Variants in LARGE1 observed in about 807,000 individuals in gnomAD.
The protein encoded by LARGE1 is xylosyl- and glucuronyltransferase LARGE1.
In LARGE1, 43 loss-of-function variants were observed where a neutral mutation model predicts 87.6. That is an observed-to-expected ratio of 0.49 (90% CI 0.38 to 0.63). The LOEUF (loss-of-function observed/expected upper bound fraction) is 0.63, where lower values mean the gene tolerates loss of function less well. Among genes scored for constraint, LARGE1 ranks in the 30% least tolerant of loss-of-function variants. The pLI, the probability that LARGE1 is intolerant of heterozygous loss-of-function variation, is 0.00. For missense variants in LARGE1, 802 were observed against 1,000.2 expected (o/e 0.80, Z 2.67); for synonymous variants, 434 against 394.6 (o/e 1.10, Z -1.18).
At chr22:33,776,542 T>G (rs2085243967) in intron 1 of LARGE1, among the ~76,000 whole-genome samples, 1 of 152,236 alleles carries the variant, frequency 6.6e-6, no homozygotes, top group African/African-American at 2.4e-5. Flanking sequence ...CAGCCCTTAA[T>G]CACATCCATG....
chr22:33,662,475 C>CA (rs1018554241), intron 2 of LARGE1, among the ~76,000 whole-genome samples: 7 of 152,244 alleles, frequency 4.6e-5, no homozygotes, highest in Non-Finnish European at 8.8e-5. Context: ...CCAAACTCCC[C>CA]ACCCCTTGCC....
At chr22:33,484,003 G>A (rs764060080) in intron 6 of LARGE1, among the ~76,000 whole-genome samples, 3 of 152,064 alleles carry the variant, frequency 2.0e-5, no homozygotes, top group African/African-American at 2.4e-5. Context: ...GAGCATACGG[G>A]GTGCGGACAG....
At chr22:33,598,533 C>T (rs1225216124) in intron 5 of LARGE1, among the ~76,000 whole-genome samples, 4 of 152,044 alleles carry the variant, frequency 2.6e-5, no homozygotes, top group African/African-American at 7.3e-5. Flanking sequence ...AGGCCCCCAC[C>T]CCCTGACAGG....
chr22:33,619,554 CAA>C (rs553269111), intron 4 of LARGE1, among the ~76,000 whole-genome samples: 18 of 59,100 alleles, frequency 3.0e-4, no homozygotes, highest in African/African-American at 3.6e-4. Flanking sequence ...GACTCTGTCT[CAA>C]AAAAAAAAAA....
chr22:33,784,257 C>T (rs1292338909), intron 1 of LARGE1, among the ~76,000 whole-genome samples: 1 of 152,176 alleles, frequency 6.6e-6, no homozygotes, highest in Non-Finnish European at 1.5e-5. Flanking sequence ...CAATGCCAAG[C>T]TCTACATACA....
At chr22:33,346,301 CTT>C (rs935097697) in intron 9 of LARGE1, among the ~76,000 whole-genome samples, 1 of 144,432 alleles carries the variant, frequency 6.9e-6, no homozygotes, top group Non-Finnish European at 1.6e-5. Flanking sequence ...CCTCCTTCTT[CTT>C]TTTCTTTTTT....
intron 11 of LARGE1, among the ~76,000 whole-genome samples, chr22:33,238,848 C>A (rs918267225): frequency 6.6e-6 from 1 of 151,898 alleles, no homozygotes; most frequent in Admixed American, 6.6e-5. Flanking sequence ...AATGTATAGC[C>A]TTAAATTCAT....
At chr22:33,913,694 C>T (rs1161736178) in intron 1 of LARGE1, among the ~76,000 whole-genome samples, 1 of 152,110 alleles carries the variant, frequency 6.6e-6, no homozygotes, top group African/African-American at 2.4e-5. Context: ...CAGGCACGCG[C>T]CACCATGCCC....
intron 2 of LARGE1, among the ~76,000 whole-genome samples, chr22:33,665,766 C>T (rs1377381399): frequency 6.6e-6 from 1 of 152,052 alleles, no homozygotes; most frequent in East Asian, 1.9e-4. Flanking sequence ...GTGGTGGGCG[C>T]CTGTAGTCCC....
chr22:33,161,931 G>T (rs1374599667), downstream of LARGE1, among the ~76,000 whole-genome samples: 1 of 152,188 alleles, frequency 6.6e-6, no homozygotes, highest in Non-Finnish European at 1.5e-5. Flanking sequence ...TTCCCAAGAA[G>T]TTCCTCATCC....
chr22:33,739,054 G>A (rs968642205), intron 2 of LARGE1, among the ~76,000 whole-genome samples: 9 of 151,620 alleles, frequency 5.9e-5, no homozygotes, highest in South Asian at 2.1e-4. Flanking sequence ...TAACCTCAGC[G>A]TACGTACTTA....
intron 2 of LARGE1, among the ~76,000 whole-genome samples, chr22:33,681,293 T>C (rs893480281): frequency 6.6e-6 from 1 of 152,208 alleles, no homozygotes; most frequent in South Asian, 2.1e-4. Flanking sequence ...ATTAGTTATT[T>C]GTGTAGAAAG....
chr22:33,648,378 T>TTCCCCTCC (rs1450774479), intron 3 of LARGE1, among the ~76,000 whole-genome samples: 3 of 152,220 alleles, frequency 2.0e-5, no homozygotes, highest in Admixed American at 1.3e-4. Flanking sequence ...TTTTTTATTT[T>TTCCCCTCC]TCCCCTCCTC....
chr22:33,495,110 C>A (rs532531605), intron 6 of LARGE1, among the ~76,000 whole-genome samples: 1 of 151,862 alleles, frequency 6.6e-6, no homozygotes, highest in African/African-American at 2.4e-5. Context: ...ACCCACACCC[C>A]CACCCCCCGG....
chr22:33,639,353 C>A (rs939485832), intron 3 of LARGE1, among the ~76,000 whole-genome samples: 2 of 152,168 alleles, frequency 1.3e-5, no homozygotes, highest in African/African-American at 4.8e-5. Flanking sequence ...CAGCTAAGTC[C>A]TTCTCAAATC....
At chr22:33,714,771 T>C (rs1378098615) in intron 2 of LARGE1, among the ~76,000 whole-genome samples, 1 of 152,160 alleles carries the variant, frequency 6.6e-6, no homozygotes, top group African/African-American at 2.4e-5. Flanking sequence ...CTCTGACCCA[T>C]TCAAACCCCA....
the LARGE1 span, among the ~76,000 whole-genome samples, chr22:33,149,331 C>T: frequency 3.9e-5 from 6 of 152,058 alleles, no homozygotes; most frequent in Non-Finnish European, 8.8e-5. Flanking sequence ...CGTGAGCCAC[C>T]GCACCTGGCC....
chr22:33,129,804 G>C, the LARGE1 span, among the ~76,000 whole-genome samples: 9 of 152,270 alleles, frequency 5.9e-5, no homozygotes, highest in Admixed American at 5.2e-4. Flanking sequence ...CAGATCTCAT[G>C]AGACTCGCTA....
intron 1 of LARGE1, among the ~76,000 whole-genome samples, chr22:33,827,324 C>T (rs1292910709): frequency 6.6e-6 from 1 of 151,914 alleles, no homozygotes; most frequent in African/African-American, 2.4e-5. Context: ...GAGCCGAGAT[C>T]GCACTACTGT....
Sources: allele counts gnomAD v4.1 joint callset (sites outside exome capture counted in the v4.1 genomes callset), GRCh38; gene constraint gnomAD v4.1.1; transcripts MANE v1.5; gene names NCBI Gene and HGNC (gene_info 2026-07-23, HGNC 2026-07-21).